The following SNTG1 variants were observed in gnomAD, a reference collection of about 807,000 sequenced individuals.
SNTG1 encodes gamma-1-syntrophin.
Under a neutral mutation model 74.7 loss-of-function variants are expected in SNTG1, and 39 were observed. The observed-to-expected ratio is 0.52, with a 90% CI of 0.40 to 0.68. The LOEUF (loss-of-function observed/expected upper bound fraction) is 0.68, where lower values mean the gene tolerates loss of function less well. Among genes scored for constraint, SNTG1 ranks in the 30% least tolerant of loss-of-function variants. The pLI, the probability that SNTG1 is intolerant of heterozygous loss-of-function variation, is 0.00. For synonymous variants in SNTG1, 254 were observed against 217.1 expected, an observed-to-expected ratio of 1.17 and a Z score of -1.49; for missense variants, 685 against 609.5, an observed-to-expected ratio of 1.12 and a Z score of -1.30.
intron 12 of SNTG1, among the ~76,000 whole-genome samples, chr8:50,572,302 C>A (rs1304371969): frequency 6.7e-6 from 1 of 150,348 alleles, no homozygotes; most frequent in Non-Finnish European, 1.5e-5. Flanking sequence ...AGAGTCATTT[C>A]TGATGTTTGG....
chr8:50,784,808 A>G (rs1053031720), intron 18 of SNTG1, among the ~76,000 whole-genome samples: 7 of 152,212 alleles, frequency 4.6e-5, no homozygotes, highest in Non-Finnish European at 1.0e-4. Context: ...GTCAGGTTAT[A>G]AATCAAGCCT....
At chr8:50,194,236 AT>A (rs1471465579) in intron 2 of SNTG1, among the ~76,000 whole-genome samples, 3 of 152,120 alleles carry the variant, frequency 2.0e-5, no homozygotes, top group Admixed American at 6.6e-5. Flanking sequence ...ATAGTGTTCA[AT>A]AAGATTGGTA....
intron 17 of SNTG1, among the ~76,000 whole-genome samples, chr8:50,728,677 G>A (rs2095505790): frequency 6.6e-6 from 1 of 152,120 alleles, no homozygotes; most frequent in Admixed American, 6.5e-5. Context: ...GCTCATGTGT[G>A]GCCCGCATTT....
chr8:50,059,828 T>C (rs1240400016), intron 1 of SNTG1, among the ~76,000 whole-genome samples: 1 of 152,132 alleles, frequency 6.6e-6, no homozygotes, highest in African/African-American at 2.4e-5. Context: ...TGTGTGGACA[T>C]AGTGTTGTCA....
At chr8:50,387,483 T>G (rs888413819) in intron 2 of SNTG1, among the ~76,000 whole-genome samples, 9 of 152,124 alleles carry the variant, frequency 5.9e-5, no homozygotes, top group Admixed American at 5.2e-4. Context: ...TTAATGTAAT[T>G]TATTATAAGT....
At chr8:49,960,576 C>T (rs1306863479) in intron 1 of SNTG1, among the ~76,000 whole-genome samples, 2 of 151,700 alleles carry the variant, frequency 1.3e-5, no homozygotes, top group East Asian at 3.9e-4. Context: ...TCTAGGGTGC[C>T]TTATAGCCAT....
At chr8:50,466,921 T>A (rs1435485544) in intron 8 of SNTG1, among the ~76,000 whole-genome samples, 1 of 151,978 alleles carries the variant, frequency 6.6e-6, no homozygotes, top group African/African-American at 2.4e-5. Flanking sequence ...CTAAGAGGTG[T>A]CGTGTTTTGT....
intron 2 of SNTG1, among the ~76,000 whole-genome samples, chr8:50,377,590 A>T (rs1016094953): frequency 2.0e-5 from 3 of 152,128 alleles, no homozygotes; most frequent in Non-Finnish European, 4.4e-5. Context: ...TTTTTATAGC[A>T]TATTATCAAA....
Position 50,689,445 on chromosome 8 carries a change from T to G in SNTG1, c.1039-15155T>G, listed in dbSNP as rs549737129. ...CCATCAATACCTAGTTTATTGAGAGTTTTTAGCATGAAGCGTTGTTGAATT... is the reference window on the plus strand; with the variant it reads ...CCATCAATACCTAGTTTATTGAGAGGTTTTAGCATGAAGCGTTGTTGAATT... On this transcript the variant is annotated intron_variant, in intron 15 of 18. Transcript: ENST00000642720. Among the ~76,000 whole-genome samples, 389 of 152,098 alleles carry G rather than the reference T, an allele frequency of 2.6e-3. 3 individuals carry two copies. Among genetic ancestry groups the G allele is most frequent in the African/African-American group, 9.0e-3 (375 of 41,468 alleles).
At chr8:50,401,565 C>T (rs940378069) in intron 3 of SNTG1, among the ~76,000 whole-genome samples, 4 of 151,908 alleles carry the variant, frequency 2.6e-5, no homozygotes, top group African/African-American at 9.7e-5. Flanking sequence ...CCTTGTTACC[C>T]TTATTTCCTT....
intron 2 of SNTG1, among the ~76,000 whole-genome samples, chr8:50,245,037 T>C (rs1442921976): frequency 1.3e-5 from 2 of 152,212 alleles, no homozygotes; most frequent in African/African-American, 4.8e-5. Flanking sequence ...AGTTTTATTA[T>C]GTTTTCTTGG....
chr8:50,553,906 T>C (rs2094441135), intron 12 of SNTG1, among the ~76,000 whole-genome samples: 1 of 152,158 alleles, frequency 6.6e-6, no homozygotes, highest in East Asian at 1.9e-4. Context: ...CTTGTCATCA[T>C]CCATGCCTTT....
At chr8:50,786,805 G>A (rs1352327153) in intron 18 of SNTG1, among the ~76,000 whole-genome samples, 1 of 151,928 alleles carries the variant, frequency 6.6e-6, no homozygotes, top group African/African-American at 2.4e-5. Flanking sequence ...AAATTAAGTT[G>A]AGTCCTTTCC....
intron 13 of SNTG1, among the ~76,000 whole-genome samples, chr8:50,656,411 A>G (rs1024503521): frequency 2.0e-5 from 3 of 152,154 alleles, no homozygotes; most frequent in African/African-American, 4.8e-5. Flanking sequence ...AAAGGAGGGC[A>G]TTTATCATTC....
intron 11 of SNTG1, among the ~76,000 whole-genome samples, chr8:50,545,015 A>G (rs1472454390): frequency 6.6e-6 from 1 of 152,030 alleles, no homozygotes; most frequent in Non-Finnish European, 1.5e-5. Context: ...CCACTGATGG[A>G]CAGTTAGGTT....
intron 1 of SNTG1, among the ~76,000 whole-genome samples, chr8:49,978,121 C>G (rs1812356778): frequency 6.6e-6 from 1 of 152,164 alleles, no homozygotes. Context: ...GTAGGTCACT[C>G]TTTTCTTCAA....
chr8:50,066,822 G>C (rs143615667), intron 1 of SNTG1, among the ~76,000 whole-genome samples: 89 of 152,096 alleles, frequency 5.9e-4, no homozygotes, highest in African/African-American at 2.1e-3. Flanking sequence ...TATATCTGTC[G>C]AACTAGCTAG....
At chr8:50,143,668 A>G (rs1336006955) in intron 1 of SNTG1, among the ~76,000 whole-genome samples, 1 of 152,234 alleles carries the variant, frequency 6.6e-6, no homozygotes, top group Non-Finnish European at 1.5e-5. Flanking sequence ...AAAGCAATTT[A>G]GAAAGAACCA....
intron 9 of SNTG1, among the ~76,000 whole-genome samples, chr8:50,516,165 G>A (rs1390493402): frequency 6.6e-6 from 1 of 152,162 alleles, no homozygotes; most frequent in East Asian, 1.9e-4. Context: ...GGTCTGGAGT[G>A]GACCTCCAGC....
Sources: allele counts gnomAD v4.1 joint callset (sites outside exome capture counted in the v4.1 genomes callset), GRCh38; gene constraint gnomAD v4.1.1; transcripts MANE v1.5; gene names NCBI Gene and HGNC (gene_info 2026-07-23, HGNC 2026-07-21).